FABP12: variants seen among roughly 807,000 people sequenced by gnomAD.
The protein encoded by FABP12 is fatty acid-binding protein 12.
A neutral mutation model predicts 13.7 loss-of-function variants in FABP12; 19 were observed. The observed-to-expected ratio is 1.39, with a 90% confidence interval of 0.97 to 2.04. The LOEUF (loss-of-function observed/expected upper bound fraction) is 2.04, where lower values mean the gene tolerates loss of function less well. FABP12 is among the 30% of genes most tolerant of loss of function. The probability of loss-of-function intolerance (pLI) is 0.00; values close to 1 mark genes in which losing one functional copy is unlikely to be tolerated. For missense variants in FABP12, 182 were observed against 164.2 expected, an observed-to-expected ratio of 1.11 and a Z score of -0.59; for synonymous variants, 61 against 57.0, an observed-to-expected ratio of 1.07 and a Z score of -0.32.
At chr8:81,543,607 T>A (rs548005185) in intron 1 of FABP12, among the ~76,000 whole-genome samples, 6 of 152,334 alleles carry the variant, frequency 3.9e-5, no homozygotes, top group African/African-American at 1.4e-4. Context: ...TATAAAAGTA[T>A]GTATACCCTG....
chr8:81,526,231 T>C (rs1808895586), intron 4 of FABP12: 1 of 152,204 alleles, frequency 6.6e-6, no homozygotes, highest in African/African-American at 2.4e-5. Context: ...TAGAACTATT[T>C]TATATTATGT....
At chr8:81,563,457 A>G (rs1276938664) in intron 1 of FABP12, among the ~76,000 whole-genome samples, 2 of 152,224 alleles carry the variant, frequency 1.3e-5, no homozygotes, top group Non-Finnish European at 2.9e-5. Flanking sequence ...GGTACCAGTG[A>G]CCAATCCTGG....
chr8:81,538,138 C>T (rs1394072016), upstream of FABP12, among the ~76,000 whole-genome samples: 2 of 152,092 alleles, frequency 1.3e-5, no homozygotes, highest in African/African-American at 4.8e-5. Context: ...CTCTTTTAAA[C>T]AACCAGATCT....
At chr8:81,559,621 G>T (rs1809684190) in intron 1 of FABP12, among the ~76,000 whole-genome samples, 1 of 152,194 alleles carries the variant, frequency 6.6e-6, no homozygotes, top group South Asian at 2.1e-4. Flanking sequence ...GCAGATCCTT[G>T]ATCTACACTT....
chr8:81,541,910 TAAAAAAAAA>T (rs1167487132), intron 1 of FABP12, among the ~76,000 whole-genome samples: 10 of 71,156 alleles, frequency 1.4e-4, no homozygotes, highest in East Asian at 8.4e-4. Context: ...TCCCAGGGTT[TAAAAAAAAA>T]AAAAAAAAAA....
At chr8:81,545,610 C>T (rs1433186797) in intron 1 of FABP12, among the ~76,000 whole-genome samples, 3 of 152,108 alleles carry the variant, frequency 2.0e-5, no homozygotes, top group African/African-American at 4.8e-5. Flanking sequence ...ATGTACTTTT[C>T]TCCAAATGCA....
intron 1 of FABP12, among the ~76,000 whole-genome samples, chr8:81,561,484 T>C (rs1400868731): frequency 6.6e-6 from 1 of 152,130 alleles, no homozygotes; most frequent in African/African-American, 2.4e-5. Context: ...TGAACAACTA[T>C]CCACACATAA....
At chr8:81,558,415 C>T (rs913029871) in intron 1 of FABP12, among the ~76,000 whole-genome samples, 1 of 152,154 alleles carries the variant, frequency 6.6e-6, no homozygotes, top group African/African-American at 2.4e-5. Flanking sequence ...CCAGTCTGTA[C>T]TCGCAGGAGC....
At chr8:81,575,500 GT>G (rs1366991541) in intron 1 of FABP12, among the ~76,000 whole-genome samples, 2 of 152,172 alleles carry the variant, frequency 1.3e-5, no homozygotes, top group Non-Finnish European at 2.9e-5. Context: ...AAAATCCATT[GT>G]TTCTTTGTTG....
At position 81,531,289 on chromosome 8, in the gene FABP12, C is replaced by T; in HGVS notation, c.27G>A (p.Trp9Ter). 1 of 1,605,268 alleles carries T rather than the reference C, an allele frequency of 6.2e-7. No homozygotes were observed. Among genetic ancestry groups the T allele is most frequent in the Non-Finnish European group, 8.5e-7 (1 of 1,175,624 alleles). The change falls in exon 2 of 5, where the codon TGG becomes TGA. Residue 9 changes from tryptophan to a stop codon, truncating the protein, a stop_gained. Coordinates refer to ENST00000360464, the Ensembl canonical transcript of FABP12. LOFTEE classifies it high-confidence loss of function. The stretch of plus-strand genomic sequence containing the variant: ...CGGAATTTTCACAAGAAATGGACTT[C>T]CATGTTCCTTGGAGCTGGTCAATCA...
chr8:81,546,800 G>A (rs1391654222), intron 1 of FABP12, among the ~76,000 whole-genome samples: 1 of 152,038 alleles, frequency 6.6e-6, no homozygotes, highest in East Asian at 1.9e-4. Flanking sequence ...GGTAACCCTT[G>A]CATATTTTGT....
intron 1 of FABP12, among the ~76,000 whole-genome samples, chr8:81,574,668 T>C (rs944523952): frequency 6.6e-6 from 1 of 152,184 alleles, no homozygotes; most frequent in African/African-American, 2.4e-5. Flanking sequence ...TCTTCCTGAT[T>C]TAAGCTAGGA....
chr8:81,552,195 A>G (rs1270224807), intron 1 of FABP12, among the ~76,000 whole-genome samples: 1 of 152,186 alleles, frequency 6.6e-6, no homozygotes, highest in Non-Finnish European at 1.5e-5. Flanking sequence ...AATGAATAGG[A>G]ACAGTGAGAA....
intron 1 of FABP12, among the ~76,000 whole-genome samples, chr8:81,563,277 C>T (rs750540964): frequency 6.6e-6 from 1 of 152,184 alleles, no homozygotes; most frequent in African/African-American, 2.4e-5. Flanking sequence ...TCACAGCATG[C>T]AAGTCCCTTC....
At chr8:81,564,830 A>G (rs79071364) in intron 1 of FABP12, among the ~76,000 whole-genome samples, 4,022 of 152,106 alleles carry the variant, frequency 0.026, 167 homozygotes, top group African/African-American at 0.092. Flanking sequence ...GTAAGTCTTT[A>G]CTCCTGAATA....
intron 1 of FABP12, among the ~76,000 whole-genome samples, chr8:81,577,986 T>C (rs1255863171): frequency 1.3e-5 from 2 of 152,220 alleles, no homozygotes; most frequent in African/African-American, 4.8e-5. Flanking sequence ...TTATTTGTTT[T>C]TACTAAATAT....
chr8:81,564,236 A>G (rs113492375), intron 1 of FABP12, among the ~76,000 whole-genome samples: 25 of 152,316 alleles, frequency 1.6e-4, no homozygotes, highest in African/African-American at 5.8e-4. Context: ...AACAAAGGCT[A>G]AGGGAATTCA....
At chr8:81,531,131 C>CTATG in intron 2 of FABP12, 112 bp downstream of exon 2, 1 of 715,998 alleles carries the variant, frequency 1.4e-6, no homozygotes, top group South Asian at 1.7e-5. Flanking sequence ...TTATTTTTTC[C>CTATG]TATGTGAAAA....
At chr8:81,565,574 C>A (rs1283219257) in intron 1 of FABP12, among the ~76,000 whole-genome samples, 3 of 151,836 alleles carry the variant, frequency 2.0e-5, no homozygotes, top group Non-Finnish European at 4.4e-5. Context: ...TGTTGAATGA[C>A]CAGTGGGTCA....
Sources: allele counts gnomAD v4.1 joint callset (sites outside exome capture counted in the v4.1 genomes callset), GRCh38; gene constraint gnomAD v4.1.1; transcripts MANE v1.5; gene names NCBI Gene and HGNC (gene_info 2026-07-23, HGNC 2026-07-21).